Variants in CNTNAP3B observed in about 807,000 individuals in gnomAD.
CNTNAP3B encodes contactin associated protein family member 3B, also known as contactin-associated protein-like 3B.
Under a neutral mutation model 108.9 loss-of-function variants are expected in CNTNAP3B, and 25 were observed. That is an observed-to-expected ratio of 0.23 (90% confidence interval 0.17 to 0.32). CNTNAP3B has a LOEUF of 0.32. CNTNAP3B is among the 10% of genes least tolerant of loss of function. The pLI, the probability that CNTNAP3B is intolerant of heterozygous loss-of-function variation, is 1.00. For missense variants in CNTNAP3B, 252 were observed against 1,210.4 expected (o/e 0.21, Z 11.75); for synonymous variants, 103 against 473.4 (o/e 0.22, Z 10.16).
intron 1 of CNTNAP3B, among the ~76,000 whole-genome samples, chr9:42,127,329 C>T (rs562781495): frequency 7.2e-6 from 1 of 139,122 alleles, no homozygotes; most frequent in South Asian, 2.3e-4. Flanking sequence ...GCTTTGTAAT[C>T]CTTCCACTGG....
chr9:41,979,683 G>T (rs1206574208), intron 9 of CNTNAP3B: 1 of 73,438 alleles, frequency 1.4e-5, no homozygotes. Context: ...TTTTTCAAGT[G>T]ATTATCCTGC....
At chr9:41,959,725 A>G (rs1281260109) in intron 12 of CNTNAP3B, among the ~76,000 whole-genome samples, 1 of 152,310 alleles carries the variant, frequency 6.6e-6, no homozygotes, top group African/African-American at 2.4e-5. Context: ...ATTTTTTGAC[A>G]ATCTTTGCTA....
At chr9:41,955,624 G>C (rs1453931315) in intron 12 of CNTNAP3B, among the ~76,000 whole-genome samples, 2 of 152,244 alleles carry the variant, frequency 1.3e-5, no homozygotes, top group African/African-American at 4.8e-5. Flanking sequence ...TCGACCTCCT[G>C]GGCTCAAGTG....
intron 2 of CNTNAP3B, among the ~76,000 whole-genome samples, chr9:42,086,127 A>G (rs1474881119): frequency 1.4e-5 from 2 of 141,032 alleles, no homozygotes; most frequent in Non-Finnish European, 3.1e-5. Flanking sequence ...GGCGAAAAGC[A>G]TATTTTACGT....
At chr9:42,070,580 CAACT>C (rs1208745618) in intron 3 of CNTNAP3B, among the ~76,000 whole-genome samples, 1 of 147,420 alleles carries the variant, frequency 6.8e-6, no homozygotes, top group Non-Finnish European at 1.5e-5. Flanking sequence ...TACTGTCAAC[CAACT>C]GTGTGTCTGG....
rs575050045 is a variant in CNTNAP3B, at chr9:41,974,387, G to C, written c.1478-4142C>G. 6.8e-6 allele frequency: 3 copies of C among 442,788 alleles called. 1 individual carries two copies. The African/African-American group carries it at 8.5e-5, about 13-fold the overall frequency. 27.4% of individuals were successfully genotyped at this position (442,788 alleles called of 1,614,324 possible). A position where few individuals can be genotyped will look rare whatever the true frequency, so the allele number is the denominator to read the frequency against. ...GATGCCCCCATACGATGGCCTGAGA[G>C]TGGAGACCAGTGACTCAAAAGCAGA... On this transcript the variant is annotated intron_variant, in intron 9 of 23. Coordinates refer to ENST00000377561, the MANE Select transcript of CNTNAP3B (RefSeq NM_001201380.3).
At chr9:42,066,429 T>A (rs1730518909) in intron 3 of CNTNAP3B, among the ~76,000 whole-genome samples, 1 of 100,492 alleles carries the variant, frequency 1.0e-5, no homozygotes, top group South Asian at 3.7e-4. Flanking sequence ...GAATCTTTTT[T>A]TTTTTTTTTT....
At chr9:41,966,229 A>C (rs1168060546) in intron 10 of CNTNAP3B, among the ~76,000 whole-genome samples, 4 of 152,290 alleles carry the variant, frequency 2.6e-5, no homozygotes, top group Admixed American at 6.5e-5. Context: ...GAGCATCTTA[A>C]GATCATACCT....
intron 1 of CNTNAP3B, among the ~76,000 whole-genome samples, chr9:42,121,270 C>G (rs545895978): frequency 7.2e-6 from 1 of 138,874 alleles, no homozygotes; most frequent in Non-Finnish European, 1.5e-5. Context: ...AATGACACCC[C>G]CTTTTGGTGG....
intron 3 of CNTNAP3B, among the ~76,000 whole-genome samples, chr9:42,033,183 T>C (rs1326242950): frequency 1.4e-5 from 2 of 139,202 alleles, no homozygotes; most frequent in African/African-American, 2.8e-5. Flanking sequence ...TACAAAAGAA[T>C]CACTTTCCCA....
chr9:41,958,709 A>T (rs1824956942), intron 12 of CNTNAP3B, among the ~76,000 whole-genome samples: 2 of 150,726 alleles, frequency 1.3e-5, no homozygotes, highest in African/African-American at 5.0e-5. Flanking sequence ...AAAACAAAAA[A>T]CAAAACAAAA....
At chr9:41,999,665 A>G (rs1352442352) in intron 4 of CNTNAP3B, among the ~76,000 whole-genome samples, 1 of 64,612 alleles carries the variant, frequency 1.5e-5, no homozygotes, top group Non-Finnish European at 2.8e-5. Flanking sequence ...TTGAGAGAGC[A>G]TGGCCTTAAC....
chr9:41,947,465 T>C (rs1396850748), intron 13 of CNTNAP3B, among the ~76,000 whole-genome samples: 1 of 152,126 alleles, frequency 6.6e-6, no homozygotes, highest in Non-Finnish European at 1.5e-5. Context: ...AATACTTAAA[T>C]GAAAATGAAA....
At chr9:42,103,274 T>C (rs1828034484) in intron 2 of CNTNAP3B, among the ~76,000 whole-genome samples, 1 of 148,464 alleles carries the variant, frequency 6.7e-6, no homozygotes, top group Non-Finnish European at 1.5e-5. Flanking sequence ...TTAAGAAAAA[T>C]AAACAGAAAA....
chr9:41,950,505 G>C (rs1587135722), intron 13 of CNTNAP3B, among the ~76,000 whole-genome samples: 1 of 109,236 alleles, frequency 9.2e-6, no homozygotes, highest in South Asian at 2.7e-4. Flanking sequence ...TTCAATGAGT[G>C]AATAAACTCT....
Position 42,094,403 on chromosome 9 carries a change from C to T in CNTNAP3B, c.196+10226G>A, listed in dbSNP as rs1018771974. ...GGTATGGTGGCTCAGGCCTGTAATCCCAACATTTTGGGAAGCTGAGGTGGC... is the reference window on the plus strand; with the variant it reads ...GGTATGGTGGCTCAGGCCTGTAATCTCAACATTTTGGGAAGCTGAGGTGGC... On this transcript the variant is annotated intron_variant, in intron 2 of 23. Coordinates refer to ENST00000377561, the MANE Select transcript of CNTNAP3B (RefSeq NM_001201380.3). 6.2e-5 allele frequency among the ~76,000 whole-genome samples: 8 copies of T among 129,750 alleles called. 1 individual carries two copies. Among genetic ancestry groups the T allele is most frequent in the African/African-American group, 2.5e-4 (8 of 32,060 alleles). The allele number at this position is 129,750 out of a possible 152,430, so 85.1% of individuals were successfully genotyped here.
chr9:42,016,699 G>GT (rs1425405531), intron 3 of CNTNAP3B, among the ~76,000 whole-genome samples: 3 of 151,960 alleles, frequency 2.0e-5, no homozygotes, highest in African/African-American at 7.3e-5. Context: ...TCTGTGGAGA[G>GT]TGAGAGTATA....
At chr9:42,110,653 C>T (rs1327392453) in intron 1 of CNTNAP3B, among the ~76,000 whole-genome samples, 4 of 137,836 alleles carry the variant, frequency 2.9e-5, no homozygotes, top group Admixed American at 7.2e-5. Flanking sequence ...GCAGGGAGCA[C>T]GGCCTCGGGA....
intron 13 of CNTNAP3B, among the ~76,000 whole-genome samples, chr9:41,944,202 G>A (rs1230882281): frequency 6.8e-6 from 1 of 147,914 alleles, no homozygotes; most frequent in Non-Finnish European, 1.5e-5. Flanking sequence ...GTTCCTCAGA[G>A]AAAAGAAAAA....
Sources: allele counts gnomAD v4.1 joint callset (sites outside exome capture counted in the v4.1 genomes callset), GRCh38; gene constraint gnomAD v4.1.1; transcripts MANE v1.5; gene names NCBI Gene and HGNC (gene_info 2026-07-23, HGNC 2026-07-21).